KIAA0825: variants seen among roughly 807,000 people sequenced by gnomAD.
The protein encoded by KIAA0825 is KIAA0825.
KIAA0825 carries 119 observed loss-of-function variants against 147.6 expected under a neutral mutation model. The observed-to-expected ratio is 0.81, with a 90% CI of 0.69 to 0.94. The LOEUF is 0.94. Among genes scored for constraint, KIAA0825 ranks in the 40% least tolerant of loss-of-function variants. The pLI, the probability that KIAA0825 is intolerant of heterozygous loss-of-function variation, is 0.00. For missense variants in KIAA0825, 1,381 were observed against 1,472.7 expected, an observed-to-expected ratio of 0.94 and a Z score of 1.02; for synonymous variants, 470 against 518.1, an observed-to-expected ratio of 0.91 and a Z score of 1.26.
intron 5 of KIAA0825, among the ~76,000 whole-genome samples, chr5:94,512,267 A>T (rs1318715381): frequency 6.6e-6 from 1 of 152,028 alleles, no homozygotes; most frequent in African/African-American, 2.4e-5. Context: ...ATGAAAAAAA[A>T]GTTGGGTACT....
In KIAA0825 at chr5:94,153,806, A is replaced by C; in HGVS notation, c.*201T>G. On this transcript the variant is annotated 3_prime_UTR_variant, in exon 21 of 21. Transcript: ENST00000682413. ...AAAGAGAAAGATTGGGGAAAGAAAAACATTTGAAATTATTTTTAAAATAAA... is the reference window on the plus strand; with the variant it reads ...AAAGAGAAAGATTGGGGAAAGAAAACCATTTGAAATTATTTTTAAAATAAA... The C allele has an allele frequency of 2.4e-6, 1 of 412,220 alleles. No individual in the cohort carries two copies. The highest frequency in any genetic ancestry group is 4.3e-6 in the Non-Finnish European group (1 of 232,478). 25.5% of individuals were successfully genotyped at this position (412,220 alleles called of 1,614,324 possible). A position where few individuals can be genotyped will look rare whatever the true frequency, so the allele number is the denominator to read the frequency against.
chr5:94,300,699 A>G (rs1322208897), intron 20 of KIAA0825, among the ~76,000 whole-genome samples: 4 of 152,176 alleles, frequency 2.6e-5, no homozygotes, highest in Non-Finnish European at 5.9e-5. Flanking sequence ...TGGCTAAACA[A>G]AATTATTACT....
chr5:94,382,005 T>C (rs556161033), intron 20 of KIAA0825, among the ~76,000 whole-genome samples: 9 of 152,334 alleles, frequency 5.9e-5, no homozygotes, highest in African/African-American at 1.9e-4. Flanking sequence ...TGTAATATTA[T>C]GTCCTCAGAC....
intron 5 of KIAA0825, 179 bp downstream of exon 5, chr5:94,520,069 T>A: frequency 8.8e-7 from 1 of 1,135,240 alleles, no homozygotes; most frequent in Non-Finnish European, 1.1e-6. Context: ...AAGAAAATAC[T>A]TTTATAACTA....
chr5:94,245,040 T>C (rs888808436), intron 20 of KIAA0825, among the ~76,000 whole-genome samples: 6 of 152,168 alleles, frequency 3.9e-5, no homozygotes, highest in African/African-American at 1.2e-4. Flanking sequence ...TCAAAGTTGA[T>C]AGGTATTGAA....
At chr5:94,164,113 G>T (rs781603843) in intron 20 of KIAA0825, among the ~76,000 whole-genome samples, 1 of 152,160 alleles carries the variant, frequency 6.6e-6, no homozygotes, top group South Asian at 2.1e-4. Context: ...TTGAGAGCCT[G>T]CTGGGTTTAA....
chr5:94,533,961 C>T (rs1771453195), intron 3 of KIAA0825, among the ~76,000 whole-genome samples: 1 of 152,092 alleles, frequency 6.6e-6, no homozygotes, highest in Non-Finnish European at 1.5e-5. Context: ...AGGCAATAGA[C>T]CCTGTGGCTC....
intron 20 of KIAA0825, among the ~76,000 whole-genome samples, chr5:94,276,057 T>C (rs2150148741): frequency 6.6e-6 from 1 of 152,200 alleles, no homozygotes; most frequent in South Asian, 2.1e-4. Flanking sequence ...TGACATCTGC[T>C]GCACTGCACA....
chr5:94,525,845 G>A (rs1428026557), intron 3 of KIAA0825, among the ~76,000 whole-genome samples: 1 of 151,956 alleles, frequency 6.6e-6, no homozygotes, highest in Non-Finnish European at 1.5e-5. Context: ...GCCTTTAGAG[G>A]GCTAGATATT....
intron 15 of KIAA0825, among the ~76,000 whole-genome samples, chr5:94,411,183 A>C (rs1752719599): frequency 6.6e-6 from 1 of 152,154 alleles, no homozygotes; most frequent in South Asian, 2.1e-4. Context: ...ACATATTGTA[A>C]ACCCTGGAGC....
intron 1 of KIAA0825, among the ~76,000 whole-genome samples, chr5:94,610,592 A>C (rs925286784): frequency 8.0e-5 from 12 of 149,070 alleles, no homozygotes; most frequent in African/African-American, 3.0e-4. Context: ...GTGAAACCCT[A>C]TCTCTACTAA....
chr5:94,379,415 C>G (rs1748057882), intron 20 of KIAA0825, among the ~76,000 whole-genome samples: 2 of 152,078 alleles, frequency 1.3e-5, no homozygotes, highest in African/African-American at 4.8e-5. Flanking sequence ...GGTTGTAGCT[C>G]TGTGGCATTA....
intron 20 of KIAA0825, among the ~76,000 whole-genome samples, chr5:94,218,934 T>G (rs1773438883): frequency 6.6e-6 from 1 of 152,194 alleles, no homozygotes; most frequent in African/African-American, 2.4e-5. Flanking sequence ...TGGGGTCTTA[T>G]TTATGTGCTT....
chr5:94,554,108 T>C (rs943929404), intron 2 of KIAA0825, among the ~76,000 whole-genome samples: 2 of 152,194 alleles, frequency 1.3e-5, no homozygotes, highest in Non-Finnish European at 1.5e-5. Context: ...TCTTCTATGG[T>C]GATAGGAGAG....
At chr5:94,165,895 A>G (rs1162461126) in intron 20 of KIAA0825, among the ~76,000 whole-genome samples, 5 of 152,198 alleles carry the variant, frequency 3.3e-5, no homozygotes, top group Admixed American at 6.5e-5. Context: ...GGTATAGTTA[A>G]TGGGTACAAA....
At chr5:94,252,545 A>G (rs748451801) in intron 20 of KIAA0825, among the ~76,000 whole-genome samples, 7 of 151,980 alleles carry the variant, frequency 4.6e-5, no homozygotes, top group Admixed American at 2.0e-4. Flanking sequence ...ATTTTCTTCA[A>G]TTAATTTACA....
intron 1 of KIAA0825, among the ~76,000 whole-genome samples, chr5:94,604,454 G>A (rs1465448066): frequency 6.6e-6 from 1 of 152,124 alleles, no homozygotes; most frequent in Non-Finnish European, 1.5e-5. Context: ...GGCCACTTGG[G>A]AGGCAAAGGC....
At chr5:94,458,749 T>C (rs913519893) in intron 12 of KIAA0825, among the ~76,000 whole-genome samples, 1 of 151,702 alleles carries the variant, frequency 6.6e-6, no homozygotes, top group African/African-American at 2.4e-5. Context: ...GATACCTTTT[T>C]TTTAAAAAAA....
chr5:94,193,128 G>C (rs1008794253), intron 20 of KIAA0825, among the ~76,000 whole-genome samples: 14 of 152,136 alleles, frequency 9.2e-5, no homozygotes, highest in Admixed American at 4.6e-4. Context: ...GAGCAGCTTA[G>C]CTAGGTGAAA....
Sources: gnomAD v4.1 joint callset for allele counts (sites outside exome capture counted in the v4.1 genomes callset) on GRCh38, gnomAD v4.1.1 for gene constraint, MANE v1.5 for transcripts, NCBI Gene and HGNC (gene_info 2026-07-23, HGNC 2026-07-21) for gene names.